Variants in NRIP3 observed in about 807,000 individuals in gnomAD.
NRIP3 encodes the protein nuclear receptor-interacting protein 3.
Under a neutral mutation model 29.0 loss-of-function variants are expected in NRIP3, and 31 were observed. The observed-to-expected ratio is 1.07, with a 90% CI of 0.80 to 1.44. The LOEUF is 1.44. Among genes scored for constraint, NRIP3 ranks in the 40% most tolerant of loss-of-function variants. NRIP3 has a pLI of 0.00. For missense variants in NRIP3, 314 were observed against 297.9 expected, an observed-to-expected ratio of 1.05 and a Z score of -0.40; for synonymous variants, 131 against 118.3, an observed-to-expected ratio of 1.11 and a Z score of -0.70.
At chr11:8,989,399 G>A (rs1854564004) in intron 1 of NRIP3, among the ~76,000 whole-genome samples, 1 of 152,170 alleles carries the variant, frequency 6.6e-6, no homozygotes, top group Admixed American at 6.5e-5. Flanking sequence ...TATACCAGAT[G>A]ACACTTTCAT....
chr11:8,987,373 C>T lies in NRIP3; in HGVS notation c.422+175G>A, dbSNP rs114058355. On this transcript the variant is annotated intron_variant, in intron 3 of 6. Coordinates refer to ENST00000309166, the MANE Select transcript of NRIP3 (RefSeq NM_020645.3). ...CTGCTCACTGATTTCTCCCACTTGC[C>T]GGATAACCCACTACTCCTCCCCTCT... 5.6e-3 allele frequency among the ~76,000 whole-genome samples: 854 copies of T among 152,192 alleles called. 12 individuals are homozygous for T. The highest frequency in any genetic ancestry group is 0.015 in the African/African-American group (613 of 41,514).
rs1271331060 is a variant in NRIP3 at position 9,003,976 on chromosome 11, C to A, written c.-41G>T. On this transcript the variant is annotated 5_prime_UTR_variant, in exon 1 of 7. Transcript: ENST00000309166. The stretch of plus-strand genomic sequence containing the variant: ...GGCCCGGTAGCCCACAGCCCCCCGG[C>A]AGCCTCAGCCTCGAGCTCCTCCAGC... 6 of 1,444,984 alleles carry A rather than the reference C, an allele frequency of 4.2e-6. No individual in the cohort carries two copies. The highest frequency in any genetic ancestry group is 1.3e-5 in the South Asian group (1 of 74,736). 89.5% of individuals were successfully genotyped at this position (1,444,984 alleles called of 1,614,324 possible). A position where few individuals can be genotyped will look rare whatever the true frequency, so the allele number is the denominator to read the frequency against.
chr11:8,987,396 T>C, intron 3 of NRIP3, 152 bp downstream of exon 3: 1 of 651,554 alleles, frequency 1.5e-6, no homozygotes, highest in Non-Finnish European at 2.8e-6. Context: ...ACTCCTCCCC[T>C]CTACTAAGGA....
chr11:9,003,733 C>A, intron 1 of NRIP3, 29 bp downstream of exon 1: 2 of 1,384,274 alleles, frequency 1.4e-6, no homozygotes, highest in South Asian at 1.6e-5. Context: ...GCCGCCGGGG[C>A]CGGGGCGAGA....
Position 8,984,092 on chromosome 11 carries a change from G to A in NRIP3, c.595C>T (p.Gln199Ter). 6.2e-7 allele frequency: 1 copy of A among 1,613,038 alleles called. No homozygotes were observed. The highest frequency in any genetic ancestry group is 8.5e-7 in the Non-Finnish European group (1 of 1,179,038). ...DNEKNLSLGLQTLRSLKCIIN... is the reference protein window; with the variant it reads ...DNEKNLSLGL ...CTTACCTTCAGAGATCGGAGAGTCT[G>A]TAGACCAAGGGACAAGTTTTTCTCA... Residue 199 changes from glutamine to a stop codon, truncating the protein, a stop_gained, in exon 5 of 7, where the codon CAG becomes TAG. Transcript: ENST00000309166. LOFTEE classifies it high-confidence loss of function.
chr11:8,998,728 A>G (rs1471076724), intron 1 of NRIP3, among the ~76,000 whole-genome samples: 1 of 150,978 alleles, frequency 6.6e-6, no homozygotes, highest in East Asian at 1.9e-4. Flanking sequence ...TCTATTCAGC[A>G]TCTACATTTA....
At chr11:8,995,165 T>C (rs1854679516) in intron 1 of NRIP3, among the ~76,000 whole-genome samples, 1 of 152,200 alleles carries the variant, frequency 6.6e-6, no homozygotes, top group South Asian at 2.1e-4. Flanking sequence ...AGTGGTTCTC[T>C]TGCTAGTTGT....
chr11:9,003,296 G>T (rs190261030), intron 1 of NRIP3, among the ~76,000 whole-genome samples: 1 of 152,234 alleles, frequency 6.6e-6, no homozygotes, highest in African/African-American at 2.4e-5. Flanking sequence ...GGGGACAATG[G>T]ATTCAACAGA....
At chr11:8,989,311 T>C (rs2134914427) in intron 1 of NRIP3, among the ~76,000 whole-genome samples, 1 of 152,330 alleles carries the variant, frequency 6.6e-6, no homozygotes, top group East Asian at 1.9e-4. Flanking sequence ...TACAATACCA[T>C]TTAAAATCCC....
chr11:8,999,905 C>T (rs1396670813), intron 1 of NRIP3, among the ~76,000 whole-genome samples: 1 of 152,144 alleles, frequency 6.6e-6, no homozygotes, highest in Non-Finnish European at 1.5e-5. Flanking sequence ...ATTCCCCTTA[C>T]CCTGATTTAT....
chr11:8,991,619 TAGCAGGCAGAAA>T (rs1213536995), intron 1 of NRIP3, among the ~76,000 whole-genome samples: 5 of 152,216 alleles, frequency 3.3e-5, no homozygotes, highest in Non-Finnish European at 5.9e-5. Flanking sequence ...GGAATCTGAA[TAGCAGGCAGAAA>T]AGCAGCAATT....
At chr11:8,993,542 C>T (rs962918222) in intron 1 of NRIP3, among the ~76,000 whole-genome samples, 1 of 152,084 alleles carries the variant, frequency 6.6e-6, no homozygotes, top group African/African-American at 2.4e-5. Context: ...GGTGCGGTGG[C>T]TTACACCTGT....
chr11:8,996,507 C>G (rs1854709080), intron 1 of NRIP3, among the ~76,000 whole-genome samples: 1 of 152,090 alleles, frequency 6.6e-6, no homozygotes, highest in East Asian at 1.9e-4. Flanking sequence ...TCTCAAACTC[C>G]TGACCTCAGG....
intron 1 of NRIP3, among the ~76,000 whole-genome samples, chr11:9,000,972 G>A (rs1212316621): frequency 2.6e-5 from 4 of 152,118 alleles, no homozygotes; most frequent in Non-Finnish European, 5.9e-5. Flanking sequence ...AGGAGGTTGA[G>A]GTGGGAGGAT....
chr11:8,993,536 C>T lies in NRIP3; in HGVS notation c.175-5254G>A, dbSNP rs144918337. Among the ~76,000 whole-genome samples, 119 of 152,088 alleles carry T rather than the reference C, an allele frequency of 7.8e-4. 1 individual carries two copies. Among genetic ancestry groups the T allele is most frequent in the African/African-American group, 2.6e-3 (109 of 41,506 alleles). On this transcript the variant is annotated intron_variant, in intron 1 of 6. Coordinates refer to ENST00000309166, the MANE Select transcript of NRIP3 (RefSeq NM_020645.3). ...TATAATAGAAAATCAGGGCTGGGTG[C>T]GGTGGCTTACACCTGTAATCCCAGC...
At chr11:9,003,321 G>T (rs1455825499) in intron 1 of NRIP3, among the ~76,000 whole-genome samples, 1 of 152,132 alleles carries the variant, frequency 6.6e-6, no homozygotes, top group Non-Finnish European at 1.5e-5. Flanking sequence ...CTCTGGATCT[G>T]GCAACTGTCA....
At position 8,983,059 on chromosome 11, in the gene NRIP3, T is replaced by C. The variant is rs1854448193; in HGVS notation, c.*486A>G. On this transcript the variant is annotated 3_prime_UTR_variant, in exon 7 of 7. Coordinates refer to ENST00000309166, the MANE Select transcript of NRIP3 (RefSeq NM_020645.3). ...TCCCTGGGCTCTTTCACATAATCCA[T>C]ACTTGAGAAATCAATGAATCAATTT... 2.2e-6 allele frequency: 1 copy of C among 449,150 alleles called. No individual in the cohort carries two copies. Among genetic ancestry groups the C allele is most frequent in the African/African-American group, 2.0e-5 (1 of 49,550 alleles). 27.8% of individuals were successfully genotyped at this position (449,150 alleles called of 1,614,324 possible).
rs1463032680 is a variant in NRIP3 at position 8,982,657 on chromosome 11, C to T, written c.*888G>A. The stretch of plus-strand genomic sequence containing the variant: ...TTCCTCCTTTCCTCCAAGAGGTTCA[C>T]AGTGAGAAACCATTTCATTCATCTT... On this transcript the variant is annotated 3_prime_UTR_variant, in exon 7 of 7. Coordinates refer to ENST00000309166, the MANE Select transcript of NRIP3 (RefSeq NM_020645.3). 1.4e-5 allele frequency: 3 copies of T among 208,974 alleles called. No homozygotes were observed. Among genetic ancestry groups the T allele is most frequent in the African/African-American group, 7.1e-5 (3 of 42,326 alleles). 12.9% of individuals were successfully genotyped at this position (208,974 alleles called of 1,614,324 possible).
At chr11:8,993,300 T>C (rs1854640619) in intron 1 of NRIP3, among the ~76,000 whole-genome samples, 1 of 152,220 alleles carries the variant, frequency 6.6e-6, no homozygotes, top group African/African-American at 2.4e-5. Context: ...GAAACTTTTT[T>C]TAAACACCAA....
Sources: gnomAD v4.1 joint callset for allele counts (sites outside exome capture counted in the v4.1 genomes callset) on GRCh38, gnomAD v4.1.1 for gene constraint, MANE v1.5 for transcripts, NCBI Gene and HGNC (gene_info 2026-07-23, HGNC 2026-07-21) for gene names.